Variants in PCDH15 observed in about 807,000 individuals in gnomAD.
The protein encoded by PCDH15 is protocadherin related 15.
A neutral mutation model predicts 178.5 loss-of-function variants in PCDH15; 129 were observed. The observed-to-expected ratio is 0.72, with a 90% CI of 0.63 to 0.84. PCDH15 has a LOEUF of 0.84. PCDH15 is among the 40% of genes least tolerant of loss of function. PCDH15 has a pLI of 0.00. For missense variants in PCDH15, 2,230 were observed against 2,099.9 expected (o/e 1.06, Z -1.21); for synonymous variants, 800 against 732.0 (o/e 1.09, Z -1.50).
rs184953138 is a variant in PCDH15 at position 55,001,296 on chromosome 10, C to T, written c.-79-103796G>A. ...CTGCATGCCTTATTCTTCCCGGATGCGGGACAAGAACCTGGGACATGCTGA... is the reference window on the plus strand; with the variant it reads ...CTGCATGCCTTATTCTTCCCGGATGTGGGACAAGAACCTGGGACATGCTGA... On this transcript the variant is annotated intron_variant, in intron 2 of 5. Transcript: ENST00000458638. Among the ~76,000 whole-genome samples the T allele has an allele frequency of 3.5e-4, 54 of 152,238 alleles. No homozygotes were observed. The East Asian group carries it at 9.9e-3, about 28-fold the overall frequency.
At chr10:54,444,281 T>C (rs1051312740) in intron 3 of PCDH15, among the ~76,000 whole-genome samples, 1 of 151,648 alleles carries the variant, frequency 6.6e-6, no homozygotes, top group Non-Finnish European at 1.5e-5. Context: ...GGGAAGATAG[T>C]ACACTACATG....
At chr10:55,493,171 A>T (rs1000853813) in intron 2 of PCDH15, among the ~76,000 whole-genome samples, 1 of 151,664 alleles carries the variant, frequency 6.6e-6, no homozygotes, top group Admixed American at 6.6e-5. Context: ...TTTGGGAAAA[A>T]ATCTTAACAC....
At chr10:54,606,544 T>A (rs1047306602) in intron 2 of PCDH15, 1 of 152,058 alleles carries the variant, frequency 6.6e-6, no homozygotes, top group African/African-American at 2.4e-5. Context: ...AGAAGGAAAC[T>A]AAATAAAACA....
chr10:54,753,781 C>T (rs763859782), intron 1 of PCDH15, among the ~76,000 whole-genome samples: 10 of 151,810 alleles, frequency 6.6e-5, no homozygotes, highest in Admixed American at 2.0e-4. Context: ...AAGGTGACCT[C>T]GGCACCAGGG....
At chr10:55,284,878 G>A (rs998665065) in intron 1 of PCDH15, among the ~76,000 whole-genome samples, 1 of 151,862 alleles carries the variant, frequency 6.6e-6, no homozygotes, top group African/African-American at 2.4e-5. Context: ...TAGTGCTAAT[G>A]TTTGGCTTCT....
At chr10:55,595,324 C>T (rs1308577934) in intron 2 of PCDH15, among the ~76,000 whole-genome samples, 2 of 151,806 alleles carry the variant, frequency 1.3e-5, no homozygotes, top group Non-Finnish European at 2.9e-5. Flanking sequence ...CTGTATTAAC[C>T]AGCTTTATAC....
intron 21 of PCDH15, among the ~76,000 whole-genome samples, chr10:53,989,345 C>T (rs2091314581): frequency 6.6e-6 from 1 of 152,082 alleles, no homozygotes; most frequent in East Asian, 1.9e-4. Context: ...GCCCCTTTAG[C>T]TCTGGTAAGT....
At chr10:55,483,137 G>T (rs1156452160) in intron 2 of PCDH15, among the ~76,000 whole-genome samples, 1 of 151,768 alleles carries the variant, frequency 6.6e-6, no homozygotes, top group Non-Finnish European at 1.5e-5. Context: ...ATTGACAAAT[G>T]ATATCTAATT....
chr10:55,331,965 T>G (rs1249165134), intron 2 of PCDH15, among the ~76,000 whole-genome samples: 2 of 152,086 alleles, frequency 1.3e-5, no homozygotes, highest in Non-Finnish European at 2.9e-5. Flanking sequence ...TCACTAATAT[T>G]CATGATATAG....
intron 1 of PCDH15, among the ~76,000 whole-genome samples, chr10:55,302,698 G>A (rs1389609428): frequency 6.6e-6 from 1 of 152,048 alleles, no homozygotes; most frequent in African/African-American, 2.4e-5. Context: ...GCAATATCCA[G>A]ACTAGCATTT....
intron 1 of PCDH15, among the ~76,000 whole-genome samples, chr10:55,186,822 G>GA (rs34218886): frequency 0.12 from 17,524 of 151,286 alleles, 1,438 homozygotes; most frequent in Non-Finnish European, 0.17. Context: ...CAATAAATTA[G>GA]ACTCATCAGA....
intron 2 of PCDH15, among the ~76,000 whole-genome samples, chr10:54,559,355 T>G: frequency 6.6e-6 from 1 of 152,076 alleles, no homozygotes; most frequent in East Asian, 1.9e-4. Context: ...TTATTGATAT[T>G]AATATAGCTT....
At chr10:54,512,970 C>T (rs1418364918) in intron 3 of PCDH15, among the ~76,000 whole-genome samples, 1 of 151,944 alleles carries the variant, frequency 6.6e-6, no homozygotes, top group African/African-American at 2.4e-5. Flanking sequence ...TAAATCATAC[C>T]ACATGACAAG....
chr10:54,574,240 A>G (rs1368680864), intron 2 of PCDH15, among the ~76,000 whole-genome samples: 12 of 151,576 alleles, frequency 7.9e-5, no homozygotes, highest in South Asian at 2.1e-4. Context: ...AGCTTTCTAC[A>G]TATGGCTAGC....
chr10:54,225,222 C>T (rs1163089287), intron 9 of PCDH15, among the ~76,000 whole-genome samples: 1 of 152,120 alleles, frequency 6.6e-6, no homozygotes, highest in African/African-American at 2.4e-5. Flanking sequence ...AGAGAATGCA[C>T]TTTGAACAAT....
Position 53,809,428 on chromosome 10 carries a change from T to C in PCDH15, c.4671+1128A>G, listed in dbSNP as rs776856597. On this transcript the variant is annotated intron_variant, in intron 37 of 37. Coordinates refer to ENST00000644397, the MANE Select transcript of PCDH15 (RefSeq NM_001384140.1). ...AATCATGGGGAATATTCTGGCTCTC[T>C]TCCATGTTGTGTATGTAGGCTCAGC... The C allele has an allele frequency of 1.9e-6, 3 of 1,613,908 alleles. No homozygotes were observed. In the African/African-American group the frequency reaches 4.0e-5, roughly 22 times the overall value.
intron 5 of PCDH15, among the ~76,000 whole-genome samples, chr10:54,366,277 T>A (rs2134627994): frequency 6.6e-6 from 1 of 152,250 alleles, no homozygotes; most frequent in South Asian, 2.1e-4. Flanking sequence ...AAGTGTGAAA[T>A]ATTTTGACAT....
At chr10:53,895,703 A>G (rs1283998853) in intron 26 of PCDH15, among the ~76,000 whole-genome samples, 8 of 152,230 alleles carry the variant, frequency 5.3e-5, no homozygotes, top group Admixed American at 5.2e-4. Flanking sequence ...AACTGGAAAA[A>G]TTAGTTAACA....
intron 2 of PCDH15, among the ~76,000 whole-genome samples, chr10:54,543,418 T>C (rs888680885): frequency 6.6e-6 from 1 of 152,082 alleles, no homozygotes; most frequent in Non-Finnish European, 1.5e-5. Context: ...CCCCACATCC[T>C]GCCCATTTGC....
Sources: gnomAD v4.1 joint callset for allele counts (sites outside exome capture counted in the v4.1 genomes callset) on GRCh38, gnomAD v4.1.1 for gene constraint, MANE v1.5 for transcripts, NCBI Gene and HGNC (gene_info 2026-07-23, HGNC 2026-07-21) for gene names.